Variants in GFRAL observed in about 807,000 individuals in gnomAD.
The protein encoded by GFRAL is GDNF family receptor alpha-like.
GFRAL carries 36 observed loss-of-function variants against 45.4 expected under a neutral mutation model. That is an observed-to-expected ratio of 0.79 (90% CI 0.61 to 1.05). The LOEUF is 1.05. GFRAL is among the 50% of genes least tolerant of loss of function. The pLI, the probability that GFRAL is intolerant of heterozygous loss-of-function variation, is 0.00. For synonymous variants in GFRAL, 166 were observed against 154.1 expected (o/e 1.08, Z -0.57); for missense variants, 507 against 467.5 (o/e 1.08, Z -0.78).
intron 3 of GFRAL, among the ~76,000 whole-genome samples, chr6:55,346,915 G>A (rs1768051299): frequency 6.7e-6 from 1 of 149,346 alleles, no homozygotes; most frequent in African/African-American, 2.5e-5. Context: ...ACATTATGTG[G>A]TTCTATAACC....
chr6:55,373,806 A>T (rs537046135), intron 6 of GFRAL, among the ~76,000 whole-genome samples: 16 of 151,926 alleles, frequency 1.1e-4, no homozygotes, highest in African/African-American at 3.9e-4. Context: ...TACATAGGTA[A>T]ATGCATGCCA....
At chr6:55,376,211 C>A (rs1768532465) in intron 6 of GFRAL, among the ~76,000 whole-genome samples, 1 of 152,064 alleles carries the variant, frequency 6.6e-6, no homozygotes, top group African/African-American at 2.4e-5. Flanking sequence ...ATGAAGCCAA[C>A]TTGATCGTGG....
chr6:55,332,882 ACTGT>A (rs1489639529), intron 2 of GFRAL, among the ~76,000 whole-genome samples: 2 of 151,558 alleles, frequency 1.3e-5, no homozygotes, highest in African/African-American at 2.4e-5. Context: ...AATAGAATAA[ACTGT>A]CTATGTGGTA....
At chr6:55,345,658 CA>C (rs1425531074) in intron 3 of GFRAL, among the ~76,000 whole-genome samples, 3 of 152,022 alleles carry the variant, frequency 2.0e-5, no homozygotes, top group Non-Finnish European at 4.4e-5. Flanking sequence ...TCTAAAATAC[CA>C]AAAACAATGG....
chr6:55,398,915 A>G (rs1390565402), intron 6 of GFRAL, among the ~76,000 whole-genome samples: 1 of 152,158 alleles, frequency 6.6e-6, no homozygotes, highest in Non-Finnish European at 1.5e-5. Flanking sequence ...TATAAGATAC[A>G]ATGATTTATG....
chr6:55,384,859 G>C (rs9475278), intron 6 of GFRAL, among the ~76,000 whole-genome samples: 1 of 86,412 alleles, frequency 1.2e-5, no homozygotes, highest in Non-Finnish European at 2.8e-5. Context: ...TCTCCAAAAA[G>C]CAGCAAAAAA....
chr6:55,374,221 T>C (rs1031295753), intron 6 of GFRAL, among the ~76,000 whole-genome samples: 1 of 152,222 alleles, frequency 6.6e-6, no homozygotes, highest in African/African-American at 2.4e-5. Flanking sequence ...TCCATGCACA[T>C]ATCTTTATAA....
At chr6:55,362,224 G>A (rs1477152233) in intron 6 of GFRAL, among the ~76,000 whole-genome samples, 1 of 151,260 alleles carries the variant, frequency 6.6e-6, no homozygotes, top group Non-Finnish European at 1.5e-5. Context: ...TCATGACCCT[G>A]GCTGGTTGAC....
intron 2 of GFRAL, 116 bp downstream of exon 2, chr6:55,331,965 T>C: frequency 1.1e-6 from 1 of 891,566 alleles, no homozygotes; most frequent in Non-Finnish European, 1.7e-6. Flanking sequence ...TCTTATTTAA[T>C]CTTGACCCCC....
chr6:55,360,544 C>A (rs931145288), intron 6 of GFRAL, among the ~76,000 whole-genome samples: 1 of 151,934 alleles, frequency 6.6e-6, no homozygotes, highest in Non-Finnish European at 1.5e-5. Context: ...ATGTAATAGG[C>A]ATACAGCTCA....
intron 5 of GFRAL, among the ~76,000 whole-genome samples, chr6:55,352,069 C>G (rs1768125650): frequency 6.6e-6 from 1 of 151,930 alleles, no homozygotes; most frequent in Non-Finnish European, 1.5e-5. Context: ...CAGAGATAAC[C>G]AGGTCCACAC....
chr6:55,399,536 A>C, intron 8 of GFRAL, 95 bp downstream of exon 8: 2 of 829,170 alleles, frequency 2.4e-6, no homozygotes, highest in Admixed American at 3.8e-5. Context: ...AAAGAGCCTG[A>C]GAATGAAAGC....
chr6:55,397,117 T>A (rs1450183544), intron 6 of GFRAL, among the ~76,000 whole-genome samples: 1 of 152,160 alleles, frequency 6.6e-6, no homozygotes, highest in African/African-American at 2.4e-5. Context: ...GCTCAAGTGA[T>A]CTTCCCAACT....
chr6:55,331,650 T>A, intron 1 of GFRAL, 65 bp from the exon 2 acceptor site: 3 of 1,465,776 alleles, frequency 2.0e-6, no homozygotes, highest in Non-Finnish European at 2.8e-6. Context: ...CATTAATAAC[T>A]TAGATTTGAA....
chr6:55,345,090 C>A (rs940299593), intron 3 of GFRAL, among the ~76,000 whole-genome samples: 5 of 152,082 alleles, frequency 3.3e-5, no homozygotes, highest in South Asian at 2.1e-4. Flanking sequence ...TAGGAAGAAC[C>A]AATATCATGA....
At chr6:55,354,890 C>T (rs1404287624) in intron 5 of GFRAL, among the ~76,000 whole-genome samples, 1 of 151,820 alleles carries the variant, frequency 6.6e-6, no homozygotes, top group Non-Finnish European at 1.5e-5. Flanking sequence ...CCAAAGAGAA[C>T]AATTTAAGGG....
intron 6 of GFRAL, among the ~76,000 whole-genome samples, chr6:55,390,839 G>T (rs11754799): frequency 6.6e-6 from 1 of 151,650 alleles, no homozygotes; most frequent in African/African-American, 2.4e-5. Context: ...AGTGAGCCAA[G>T]ATCGCGCCAT....
intron 6 of GFRAL, among the ~76,000 whole-genome samples, chr6:55,384,064 T>A (rs540094850): frequency 6.6e-6 from 1 of 152,004 alleles, no homozygotes; most frequent in South Asian, 2.1e-4. Context: ...TAAGTGAGAG[T>A]TGAACAATGA....
At chr6:55,358,387 T>C (rs72972841) in intron 5 of GFRAL, among the ~76,000 whole-genome samples, 24,774 of 151,880 alleles carry the variant, frequency 0.16, 2,330 homozygotes, top group African/African-American at 0.25. Flanking sequence ...ATACAGAAAT[T>C]TTATACCTCA....
Sources: gnomAD v4.1 joint callset for allele counts (sites outside exome capture counted in the v4.1 genomes callset) on GRCh38, gnomAD v4.1.1 for gene constraint, MANE v1.5 for transcripts, NCBI Gene and HGNC (gene_info 2026-07-23, HGNC 2026-07-21) for gene names.